Variants in ZBTB46 observed in about 807,000 individuals in gnomAD.
The protein encoded by ZBTB46 is zinc finger and BTB domain-containing protein 46.
In ZBTB46, 8 loss-of-function variants were observed where a neutral mutation model predicts 44.1. The ratio of observed to expected loss-of-function variants is 0.18; its 90% confidence interval spans 0.11 to 0.33. The LOEUF is 0.33. Among genes scored for constraint, ZBTB46 ranks in the 10% least tolerant of loss-of-function variants. The pLI, the probability that ZBTB46 is intolerant of heterozygous loss-of-function variation, is 1.00. For missense variants in ZBTB46, 651 were observed against 847.7 expected, an observed-to-expected ratio of 0.77 and a Z score of 2.88; for synonymous variants, 409 against 382.3, an observed-to-expected ratio of 1.07 and a Z score of -0.81.
chr20:63,811,616 G>A (rs907859576), intron 1 of ZBTB46, among the ~76,000 whole-genome samples: 3 of 151,966 alleles, frequency 2.0e-5, no homozygotes, highest in Non-Finnish European at 4.4e-5. Flanking sequence ...CTGACCCCTG[G>A]GCCCAGCAGA....
chr20:63,765,120 C>T (rs28758968), intron 3 of ZBTB46, among the ~76,000 whole-genome samples: 25 of 149,084 alleles, frequency 1.7e-4, no homozygotes, highest in African/African-American at 5.4e-4. Flanking sequence ...TGTGTGTGTG[C>T]GTGTGTGTGT....
Position 63,746,635 on chromosome 20 carries a change from G to A in ZBTB46, c.*295C>T, listed in dbSNP as rs1429105212. The A allele has an allele frequency of 2.6e-6, 1 of 385,838 alleles. No homozygotes were observed. Among genetic ancestry groups the A allele is most frequent in the Non-Finnish European group, 4.6e-6 (1 of 217,282 alleles). 23.9% of individuals were successfully genotyped at this position (385,838 alleles called of 1,614,324 possible). ...CCAAGCCAGGCTGGCCATCACAGGG[G>A]CCACTCACACACCCGCACCACCTGC... On this transcript the variant is annotated 3_prime_UTR_variant, in exon 5 of 5. Transcript: ENST00000245663.
At chr20:63,769,093 A>C (rs971050287) in intron 3 of ZBTB46, among the ~76,000 whole-genome samples, 1 of 152,202 alleles carries the variant, frequency 6.6e-6, no homozygotes, top group African/African-American at 2.4e-5. Flanking sequence ...AGGGTGGGAG[A>C]GGAGGGCACA....
intron 1 of ZBTB46, among the ~76,000 whole-genome samples, chr20:63,794,184 C>T (rs548685882): frequency 3.5e-4 from 48 of 137,930 alleles, no homozygotes; most frequent in Non-Finnish European, 6.5e-4. Context: ...AGCAAGACTC[C>T]GTCTCAAAAA....
At chr20:63,825,415 A>C (rs1463959027) in intron 1 of ZBTB46, among the ~76,000 whole-genome samples, 2 of 148,410 alleles carry the variant, frequency 1.3e-5, no homozygotes, top group Non-Finnish European at 3.0e-5. Flanking sequence ...AAAAAAAAAA[A>C]AACCCTCCCT....
rs1555855876 is a variant in ZBTB46 at position 63,813,456 on chromosome 20, A to AAAT, written c.-34+17640_-34+17641insATT. ...GAGCAAGACTCCATCTCAAAAAAAA[A>AAAT]AAATAAATAAATAAATAAAATACAT... On this transcript the variant is annotated intron_variant, in intron 1 of 4. Transcript: ENST00000245663. Among the ~76,000 whole-genome samples the AAAT allele has an allele frequency of 7.9e-5, 12 of 151,250 alleles. No individual in the cohort carries two copies. The East Asian group carries it at 1.6e-3, about 20-fold the overall frequency.
At chr20:63,773,590 G>A (rs977284012) in intron 3 of ZBTB46, among the ~76,000 whole-genome samples, 13 of 152,070 alleles carry the variant, frequency 8.5e-5, no homozygotes, top group Admixed American at 4.6e-4. Flanking sequence ...GTGAAAAGGC[G>A]CTCGGAGGGG....
Position 63,806,884 on chromosome 20 carries a change from G to A in ZBTB46, c.-33-16094C>T, listed in dbSNP as rs191341440. On this transcript the variant is annotated intron_variant, in intron 1 of 4. Coordinates refer to ENST00000245663, the MANE Select transcript of ZBTB46 (RefSeq NM_001369741.1). The stretch of plus-strand genomic sequence containing the variant: ...TGCAAGCTCCGCCTCCCAGGTTCAC[G>A]CCATTCTCCTGCCTCAGCCTCCTGA... Among the ~76,000 whole-genome samples, 478 of 152,152 alleles carry A rather than the reference G, an allele frequency of 3.1e-3. 1 individual carries two copies. Among genetic ancestry groups the A allele is most frequent in the African/African-American group, 0.011 (464 of 41,504 alleles).
rs2092521736 is a variant in ZBTB46 at position 63,787,029 on chromosome 20, A to C, written c.937+2792T>G. Among the ~76,000 whole-genome samples the C allele has an allele frequency of 6.6e-6, 1 of 152,160 alleles. No individual in the cohort carries two copies. The highest frequency in any genetic ancestry group is 1.5e-5 in the Non-Finnish European group (1 of 68,026). ...CAGCAACAACAGATGAGAATGAATA[A>C]AATCTACATTGTGTCAAAGTAGAAC... is the stretch of plus-strand genomic sequence containing the variant. On this transcript the variant is annotated intron_variant, in intron 2 of 4. Coordinates refer to ENST00000245663, the MANE Select transcript of ZBTB46 (RefSeq NM_001369741.1). This position sits in a 1 kb window ranked among gnomAD's most constrained non-coding sequence, Gnocchi z 4.6.
intron 2 of ZBTB46, among the ~76,000 whole-genome samples, chr20:63,785,168 G>A (rs1051691067): frequency 1.3e-5 from 2 of 149,362 alleles, no homozygotes; most frequent in African/African-American, 5.0e-5. Flanking sequence ...GGAGGTGGAG[G>A]TTGCGGTGAG....
At chr20:63,796,698 G>C (rs552680644) in intron 1 of ZBTB46, among the ~76,000 whole-genome samples, 2 of 152,068 alleles carry the variant, frequency 1.3e-5, no homozygotes, top group Admixed American at 6.6e-5. Context: ...GATGGCAGGC[G>C]CCTGTAATCC....
At chr20:63,818,081 G>A (rs910788298) in intron 1 of ZBTB46, among the ~76,000 whole-genome samples, 1 of 152,188 alleles carries the variant, frequency 6.6e-6, no homozygotes, top group Non-Finnish European at 1.5e-5. Flanking sequence ...TGGCACTGGG[G>A]GTCTTCACCC....
intron 1 of ZBTB46, 77 bp from the exon 2 acceptor site, chr20:63,790,867 A>C (rs2092555686): frequency 1.4e-6 from 2 of 1,447,788 alleles, no homozygotes; most frequent in Non-Finnish European, 1.8e-6. Context: ...GGGGCGCAGG[A>C]GGGCCATGGG....
intron 1 of ZBTB46, among the ~76,000 whole-genome samples, chr20:63,821,851 G>A (rs966603200): frequency 4.6e-5 from 7 of 152,182 alleles, no homozygotes; most frequent in Non-Finnish European, 1.0e-4. Flanking sequence ...AACAGCCACT[G>A]TTTAGGAAGC....
At chr20:63,799,612 T>C (rs1469105347) in intron 1 of ZBTB46, among the ~76,000 whole-genome samples, 1 of 152,184 alleles carries the variant, frequency 6.6e-6, no homozygotes, top group Non-Finnish European at 1.5e-5. Flanking sequence ...CCTCCCAAAG[T>C]GCTGGGATTA....
intron 2 of ZBTB46, among the ~76,000 whole-genome samples, chr20:63,779,158 A>G (rs1156401654): frequency 2.0e-5 from 3 of 152,202 alleles, no homozygotes; most frequent in African/African-American, 7.2e-5. Flanking sequence ...GGGTTTCAAC[A>G]CATGAGTGTG....
chr20:63,750,543 ATATGT>A (rs1336313831), intron 4 of ZBTB46, among the ~76,000 whole-genome samples: 7 of 151,840 alleles, frequency 4.6e-5, no homozygotes, highest in African/African-American at 1.7e-4. Context: ...TTGGCTTTCC[ATATGT>A]TATAAGTACA....
intron 3 of ZBTB46, among the ~76,000 whole-genome samples, chr20:63,770,099 A>G (rs2092354537): frequency 6.6e-6 from 1 of 152,210 alleles, no homozygotes; most frequent in Non-Finnish European, 1.5e-5. Context: ...AACGCTCCAG[A>G]GGCCGCGTCC....
intron 2 of ZBTB46, among the ~76,000 whole-genome samples, chr20:63,786,226 A>T (rs1445359833): frequency 6.6e-6 from 1 of 152,206 alleles, no homozygotes; most frequent in Non-Finnish European, 1.5e-5. Flanking sequence ...GATTATAAAC[A>T]GTTACAAGCA....
Sources: allele counts gnomAD v4.1 joint callset (sites outside exome capture counted in the v4.1 genomes callset), GRCh38; gene constraint gnomAD v4.1.1; non-coding constraint Gnocchi (gnomAD v3.1); transcripts MANE v1.5; gene names NCBI Gene and HGNC (gene_info 2026-07-23, HGNC 2026-07-21).